Variants in FGF10 observed in about 807,000 individuals in gnomAD.
The protein encoded by FGF10 is FGF-10.
A neutral mutation model predicts 19.8 loss-of-function variants in FGF10; 2 were observed. That is an observed-to-expected ratio of 0.10 (90% CI 0.04 to 0.32). The LOEUF (loss-of-function observed/expected upper bound fraction) is 0.32, where lower values mean the gene tolerates loss of function less well. Among genes scored for constraint, FGF10 ranks in the 10% least tolerant of loss-of-function variants. The probability of loss-of-function intolerance (pLI) is 1.00; values close to 1 mark genes in which losing one functional copy is unlikely to be tolerated. For synonymous variants in FGF10, 112 were observed against 94.0 expected, an observed-to-expected ratio of 1.19 and a Z score of -1.10; for missense variants, 191 against 246.3, an observed-to-expected ratio of 0.78 and a Z score of 1.50.
At chr5:44,320,807 C>T (rs759124829) in intron 1 of FGF10, among the ~76,000 whole-genome samples, 17 of 151,982 alleles carry the variant, frequency 1.1e-4, no homozygotes, top group Admixed American at 1.3e-4. Context: ...CTCTGCCTCC[C>T]GGACTCAAGT....
chr5:44,316,900 A>G (rs1740364328), intron 1 of FGF10, among the ~76,000 whole-genome samples: 1 of 152,318 alleles, frequency 6.6e-6, no homozygotes, highest in African/African-American at 2.4e-5. Flanking sequence ...TCAACTACTC[A>G]TAAGAATTTT....
chr5:44,346,284 T>A (rs572562893), intron 1 of FGF10, among the ~76,000 whole-genome samples: 229 of 151,876 alleles, frequency 1.5e-3, no homozygotes, highest in African/African-American at 5.0e-3. Flanking sequence ...AAAACCATCA[T>A]TTTTTTCTCA....
chr5:44,389,013 C>A lies in FGF10; in HGVS notation c.-331G>T. 2.2e-6 allele frequency: 1 copy of A among 446,986 alleles called. No homozygotes were observed. Among genetic ancestry groups the A allele is most frequent in the Non-Finnish European group, 4.2e-6 (1 of 240,290 alleles). 27.7% of individuals were successfully genotyped at this position (446,986 alleles called of 1,614,324 possible). A position where few individuals can be genotyped will look rare whatever the true frequency, so the allele number is the denominator to read the frequency against. On this transcript the variant is annotated 5_prime_UTR_variant, in exon 1 of 3. Transcript: ENST00000264664. ...TCGCTCCCCCAGGAGTTACTTTGTT[C>A]TCTTCTTTACTCCTTTCTTCACCAT...
At chr5:44,329,236 G>C (rs1164081861) in intron 1 of FGF10, among the ~76,000 whole-genome samples, 1 of 152,174 alleles carries the variant, frequency 6.6e-6, no homozygotes, top group Admixed American at 6.5e-5. Context: ...GAGTGCGCTA[G>C]TGCAATCTCA....
In FGF10 at chr5:44,301,148, A is replaced by T. The variant is rs1346919193; in HGVS notation, c.*3847T>A. Among the ~76,000 whole-genome samples the T allele has an allele frequency of 6.6e-6, 1 of 151,918 alleles. No homozygotes were observed. On this transcript the variant is annotated 3_prime_UTR_variant, in exon 3 of 3. Transcript: ENST00000264664. ...TTATTTTTTTTTCAGTTTAAGTTGG[A>T]AAAGTCCTGCTTCATGAAATAAACA...
chr5:44,353,974 A>C (rs1741290545), intron 1 of FGF10, among the ~76,000 whole-genome samples: 1 of 151,504 alleles, frequency 6.6e-6, no homozygotes, highest in South Asian at 2.1e-4. Flanking sequence ...TTTTTCTTTC[A>C]TATTGGTAGC....
At position 44,361,460 on chromosome 5, in the gene FGF10, T is replaced by C. The variant is rs534929482; in HGVS notation, c.325+26898A>G. Among the ~76,000 whole-genome samples, 8 of 151,724 alleles carry C rather than the reference T, an allele frequency of 5.3e-5. No homozygotes were observed. In the East Asian group the frequency reaches 1.6e-3, roughly 30 times the overall value. ...CAGTCTCTAAGAACTACTGGGTGCA[T>C]GGGGATGACCCACAGTGTTAATTAG... On this transcript the variant is annotated intron_variant, in intron 1 of 2. Transcript: ENST00000264664.
intron 1 of FGF10, among the ~76,000 whole-genome samples, chr5:44,332,155 G>A (rs919727979): frequency 1.3e-5 from 2 of 152,042 alleles, no homozygotes; most frequent in African/African-American, 4.8e-5. Context: ...TAATCTTTGG[G>A]TAGGGATTTT....
In FGF10 at chr5:44,323,790, C is replaced by T. The variant is rs1412007232; in HGVS notation, c.326-13260G>A. Among the ~76,000 whole-genome samples the T allele has an allele frequency of 2.0e-5, 3 of 152,120 alleles. 1 individual carries two copies. Among genetic ancestry groups the T allele is most frequent in the Non-Finnish European group, 1.5e-5 (1 of 67,954 alleles). On this transcript the variant is annotated intron_variant, in intron 1 of 2. Coordinates refer to ENST00000264664, the MANE Select transcript of FGF10 (RefSeq NM_004465.2). ...TATCCTGTTTTACTTTTTAAAAATGCTTACATTGTTTTAAAGTAGTATGTT... is the reference window on the plus strand; with the variant it reads ...TATCCTGTTTTACTTTTTAAAAATGTTTACATTGTTTTAAAGTAGTATGTT...
chr5:44,315,950 T>C (rs1249406339), intron 1 of FGF10, among the ~76,000 whole-genome samples: 1 of 152,170 alleles, frequency 6.6e-6, no homozygotes, highest in East Asian at 1.9e-4. Context: ...GGAACTGTAA[T>C]GTCCCATGGA....
chr5:44,354,055 C>G (rs938441805), intron 1 of FGF10, among the ~76,000 whole-genome samples: 1 of 150,998 alleles, frequency 6.6e-6, no homozygotes, highest in Non-Finnish European at 1.5e-5. Context: ...CTCTGGAGTT[C>G]TTAGTTTAGG....
Position 44,362,815 on chromosome 5 carries a change from C to T in FGF10, c.325+25543G>A, listed in dbSNP as rs951925540. Among the ~76,000 whole-genome samples, 3 of 151,512 alleles carry T rather than the reference C, an allele frequency of 2.0e-5. No homozygotes were observed. The East Asian group carries it at 5.9e-4, about 30-fold the overall frequency. ...CACTATTCAGCTCTGAGTGTTCCTACCCTAAACACTCAGACCTAGGCAGGG... is the reference window on the plus strand; with the variant it reads ...CACTATTCAGCTCTGAGTGTTCCTATCCTAAACACTCAGACCTAGGCAGGG... On this transcript the variant is annotated intron_variant, in intron 1 of 2. Coordinates refer to ENST00000264664, the MANE Select transcript of FGF10 (RefSeq NM_004465.2).
At chr5:44,307,532 A>C (rs1740107843) in intron 2 of FGF10, among the ~76,000 whole-genome samples, 1 of 152,212 alleles carries the variant, frequency 6.6e-6, no homozygotes, top group Non-Finnish European at 1.5e-5. Flanking sequence ...TGAAAATATA[A>C]GAAAGGTATA....
chr5:44,314,258 T>A (rs1179671829), intron 1 of FGF10, among the ~76,000 whole-genome samples: 2 of 152,188 alleles, frequency 1.3e-5, no homozygotes, highest in Non-Finnish European at 1.5e-5. Context: ...AGTTGGGAGA[T>A]AATGAGACTC....
intron 1 of FGF10, among the ~76,000 whole-genome samples, chr5:44,348,334 TGGG>T (rs1440594882): frequency 1.3e-5 from 2 of 151,750 alleles, no homozygotes; most frequent in African/African-American, 4.8e-5. Flanking sequence ...AACTTACTAA[TGGG>T]ATAGTCTTGC....
At chr5:44,386,843 C>T (rs896973739) in intron 1 of FGF10, among the ~76,000 whole-genome samples, 4 of 152,146 alleles carry the variant, frequency 2.6e-5, no homozygotes, top group African/African-American at 7.2e-5. Flanking sequence ...TGTGCATCCC[C>T]ACAGAAGAAA....
chr5:44,312,279 T>C (rs1160821980), intron 1 of FGF10, among the ~76,000 whole-genome samples: 1 of 151,956 alleles, frequency 6.6e-6, no homozygotes, highest in Non-Finnish European at 1.5e-5. Context: ...CCTCTAAGGA[T>C]ACTGTTGTTA....
At chr5:44,323,636 C>T (rs1365884190) in intron 1 of FGF10, among the ~76,000 whole-genome samples, 2 of 152,066 alleles carry the variant, frequency 1.3e-5, no homozygotes, top group Non-Finnish European at 2.9e-5. Flanking sequence ...TTTTCTAAAG[C>T]TCATGAAACA....
chr5:44,340,435 G>GCTTTTT (rs1561207149), intron 1 of FGF10, among the ~76,000 whole-genome samples: 2 of 151,908 alleles, frequency 1.3e-5, no homozygotes, highest in African/African-American at 4.8e-5. Context: ...CAACCTAATA[G>GCTTTTT]AAAAATATTA....
Sources: allele counts gnomAD v4.1 joint callset (sites outside exome capture counted in the v4.1 genomes callset), GRCh38; gene constraint gnomAD v4.1.1; transcripts MANE v1.5; gene names NCBI Gene and HGNC (gene_info 2026-07-23, HGNC 2026-07-21).